AARS1: variants seen among roughly 807,000 people sequenced by gnomAD.
AARS1 encodes alanyl-tRNA synthetase 1, also known as alanine--tRNA ligase, cytoplasmic.
A neutral mutation model predicts 108.9 loss-of-function variants in AARS1; 72 were observed. That is an observed-to-expected ratio of 0.66 (90% CI 0.55 to 0.80). AARS1 has a LOEUF of 0.80. Ranked by LOEUF, AARS1 falls within the 30% of genes least tolerant of loss-of-function variation. AARS1 has a pLI of 0.00. For missense variants in AARS1, 1,193 were observed against 1,233.2 expected, an observed-to-expected ratio of 0.97 and a Z score of 0.49; for synonymous variants, 489 against 465.7, an observed-to-expected ratio of 1.05 and a Z score of -0.64.
At chr16:70,268,137 C>T in intron 8 of AARS1, 134 bp downstream of exon 8, 1 of 855,004 alleles carries the variant, frequency 1.2e-6, no homozygotes, top group Non-Finnish European at 1.9e-6. Context: ...TATTGCACTC[C>T]AGCGTGGGTG....
chr16:70,260,338 C>CT (rs1444287819), intron 13 of AARS1, among the ~76,000 whole-genome samples: 3 of 152,200 alleles, frequency 2.0e-5, no homozygotes, highest in African/African-American at 7.2e-5. Context: ...ACCAGGCCCT[C>CT]TGACTGTGGG....
rs769626585 is a variant in AARS1, at chr16:70,255,722, G to A, written c.2286+6C>T. The stretch of plus-strand genomic sequence containing the variant: ...GATAAGCCACAAACCAGCCTGACCT[G>A]CTCACCTTCTGGGCCTCGGCACCTG... On this transcript the variant is annotated splice_donor_region_variant and intron_variant, in intron 16 of 20. Coordinates refer to ENST00000261772, the MANE Select transcript of AARS1 (RefSeq NM_001605.3). The A allele has an allele frequency of 5.6e-6, 9 of 1,613,550 alleles. No homozygotes were observed. The highest frequency in any genetic ancestry group is 7.6e-6 in the Non-Finnish European group (9 of 1,179,492).
chr16:70,258,302 C>T, intron 14 of AARS1, 85 bp from the exon 15 acceptor site: 1 of 1,481,144 alleles, frequency 6.8e-7, no homozygotes, highest in South Asian at 1.2e-5. Context: ...GTCCTGCAGG[C>T]AGGACTCGGG....
chr16:70,268,456 G>C (rs1243280582), intron 7 of AARS1, 77 bp from the exon 8 acceptor site: 2 of 1,208,246 alleles, frequency 1.7e-6, no homozygotes, highest in Non-Finnish European at 1.2e-6. Context: ...CCTACCCAAA[G>C]CAACACCTCT....
At position 70,270,258 on chromosome 16, in the gene AARS1, G is replaced by A. The variant is rs1960366820; in HGVS notation, c.754C>T (p.Gln252Ter). The A allele has an allele frequency of 1.2e-6, 2 of 1,614,038 alleles. No individual in the cohort carries two copies. The highest frequency in any genetic ancestry group is 1.7e-5 in the Admixed American group (1 of 59,992). ...GTGTCATAGTTGGACATCTTATTCT[G>A]CAGCACAGATACCAGTCGTTCCAGG... is the stretch of plus-strand genomic sequence containing the variant. ...MGLERLVSVL[Q>*]NKMSNYDTDL... is the part of the protein sequence containing the mutation. The change falls in exon 6 of 21, where the codon CAG becomes TAG. Residue 252 changes from glutamine (Q) to a stop codon, truncating the protein, a stop_gained. Transcript: ENST00000261772. LOFTEE classifies it high-confidence loss of function.
At chr16:70,279,387 C>T (rs1485905036) in intron 2 of AARS1, among the ~76,000 whole-genome samples, 5 of 136,428 alleles carry the variant, frequency 3.7e-5, no homozygotes, top group African/African-American at 1.4e-4. Flanking sequence ...GGGCCAGGTG[C>T]GGTGGCTCAC....
In AARS1 at chr16:70,252,436, TTGC is replaced by T; in HGVS notation, c.*282_*284del. ...TCTCTGCAGCAAAAACGATTCCTAC[TTGC>T]TGACGCGGAAAGCTCAGGTCTGGAG... On this transcript the variant is annotated 3_prime_UTR_variant, in exon 21 of 21. Transcript: ENST00000261772. The T allele has an allele frequency of 2.0e-6, 1 of 508,142 alleles. No individual in the cohort carries two copies. The highest frequency in any genetic ancestry group is 2.2e-5 in the South Asian group (1 of 46,206). The allele number at this position is 508,142 out of a possible 1,614,324, so 31.5% of individuals were successfully genotyped here. A position where few individuals can be genotyped will look rare whatever the true frequency, so the allele number is the denominator to read the frequency against.
intron 6 of AARS1, 42 bp from the exon 7 acceptor site, chr16:70,269,805 T>G: frequency 6.2e-7 from 1 of 1,612,858 alleles, no homozygotes; most frequent in East Asian, 2.2e-5. Context: ...GGAAGCAGAC[T>G]TTCTGGCGCT....
At chr16:70,265,208 G>GT (rs1308672787) in intron 10 of AARS1, 106 bp from the exon 11 acceptor site, 11 of 1,414,234 alleles carry the variant, frequency 7.8e-6, no homozygotes, top group Non-Finnish European at 8.9e-6. Context: ...CCAGAACAGG[G>GT]TTTTTCAATC....
chr16:70,264,899 C>A, intron 11 of AARS1, 59 bp downstream of exon 11: 2 of 1,608,720 alleles, frequency 1.2e-6, no homozygotes, highest in South Asian at 1.1e-5. Flanking sequence ...AACAATCTTT[C>A]AAATACCCCC....
In AARS1 at chr16:70,252,382, G is replaced by A; in HGVS notation, c.*339C>T. 2.4e-6 allele frequency: 1 copy of A among 410,062 alleles called. No individual in the cohort carries two copies. The highest frequency in any genetic ancestry group is 4.5e-6 in the Non-Finnish European group (1 of 220,432). 25.4% of individuals were successfully genotyped at this position (410,062 alleles called of 1,614,324 possible). On this transcript the variant is annotated 3_prime_UTR_variant, in exon 21 of 21. Transcript: ENST00000261772. ...TGGGAAGAGGGATAGAGATCATGCGGCATTAAGTATTGCACGTGGTCCTTT... is the reference window on the plus strand; with the variant it reads ...TGGGAAGAGGGATAGAGATCATGCGACATTAAGTATTGCACGTGGTCCTTT...
chr16:70,274,164 G>A (rs541603931), intron 4 of AARS1, among the ~76,000 whole-genome samples: 3 of 143,370 alleles, frequency 2.1e-5, no homozygotes, highest in African/African-American at 5.2e-5. Flanking sequence ...GGAGAAACCC[G>A]TCTCTACTAA....
chr16:70,268,277 C>A lies in AARS1; in HGVS notation c.1065G>T (p.Gln355His), dbSNP rs1960314004. ...FFATLVDVVV[Q>H]SLGDAFPELK... ...AGCAGAGAAATAAACCTACCAGGGA[C>A]TGGACGACAACATCCACTAACGTAG... Residue 355 changes from glutamine (Q) to histidine (H), a missense_variant, in exon 8 of 21, where the codon CAG (glutamine) becomes CAT (histidine). Physicochemically the swap from Gln to His is conservative, Grantham distance 24. Coordinates refer to ENST00000261772, the MANE Select transcript of AARS1 (RefSeq NM_001605.3). 2.5e-6 allele frequency: 4 copies of A among 1,613,992 alleles called. No individual in the cohort carries two copies. The highest frequency in any genetic ancestry group is 3.4e-6 in the Non-Finnish European group (4 of 1,179,818).
intron 10 of AARS1, chr16:70,265,318 G>T: frequency 1.1e-6 from 1 of 914,978 alleles, no homozygotes; most frequent in Non-Finnish European, 1.7e-6. Flanking sequence ...CCAAGTACGT[G>T]ACAGCAGGAT....
chr16:70,271,167 T>G (rs1244352048), intron 5 of AARS1, among the ~76,000 whole-genome samples: 1 of 145,184 alleles, frequency 6.9e-6, no homozygotes, highest in Non-Finnish European at 1.5e-5. Context: ...AGAGCAAGAC[T>G]CCATCTCCAA....
chr16:70,264,153 G>A (rs751140220), intron 11 of AARS1, among the ~76,000 whole-genome samples: 6 of 151,322 alleles, frequency 4.0e-5, no homozygotes, highest in East Asian at 4.2e-4. Context: ...GGCTGAGGCC[G>A]GAGAATCGCT....
chr16:70,268,898 G>A (rs888513724), intron 7 of AARS1, among the ~76,000 whole-genome samples: 6 of 152,172 alleles, frequency 3.9e-5, no homozygotes, highest in Admixed American at 2.6e-4. Context: ...AAACAATAAC[G>A]AAAGATGGCT....
intron 11 of AARS1, among the ~76,000 whole-genome samples, chr16:70,264,395 C>A (rs893123411): frequency 2.5e-4 from 38 of 151,742 alleles, no homozygotes; most frequent in Admixed American, 3.9e-4. Context: ...TGGCTCACTG[C>A]AACCTCTGCC....
Position 70,276,613 on chromosome 16 carries a change from C to T in AARS1, c.352G>A (p.Ala118Thr). Reference protein sequence around the residue: ...DYFKELACKMALELLTQEFGI... With the variant: ...DYFKELACKMTLELLTQEFGI... ...AACTCTTGGGTGAGGAGTTCCAGAGCCATCTTACATGCCAATTCCTACAAA... is the reference window on the plus strand; with the variant it reads ...AACTCTTGGGTGAGGAGTTCCAGAGTCATCTTACATGCCAATTCCTACAAA... The change falls in exon 4 of 21, where the codon GCT becomes ACT. Residue 118 changes from alanine to threonine, a missense_variant. By Grantham distance (58) the Ala-to-Thr change is moderately conservative. Coordinates refer to ENST00000261772, the MANE Select transcript of AARS1 (RefSeq NM_001605.3). 2 of 1,614,020 alleles carry T rather than the reference C, an allele frequency of 1.2e-6. No individual in the cohort carries two copies. Among genetic ancestry groups the T allele is most frequent in the Non-Finnish European group, 1.7e-6 (2 of 1,180,016 alleles).
Sources: gnomAD v4.1 joint callset for allele counts (sites outside exome capture counted in the v4.1 genomes callset) on GRCh38, gnomAD v4.1.1 for gene constraint, MANE v1.5 for transcripts, NCBI Gene and HGNC (gene_info 2026-07-23, HGNC 2026-07-21) for gene names.